POLR3A: variants seen among roughly 807,000 people sequenced by gnomAD.
The protein encoded by POLR3A is RNA polymerase III subunit A.
A neutral mutation model predicts 152.8 loss-of-function variants in POLR3A; 112 were observed. The observed-to-expected ratio is 0.73, with a 90% CI of 0.63 to 0.86. POLR3A has a LOEUF of 0.86. Among genes scored for constraint, POLR3A ranks in the 40% least tolerant of loss-of-function variants. The pLI, the probability that POLR3A is intolerant of heterozygous loss-of-function variation, is 0.00. For synonymous variants in POLR3A, 615 were observed against 652.1 expected, an observed-to-expected ratio of 0.94 and a Z score of 0.87; for missense variants, 1,385 against 1,743.1, an observed-to-expected ratio of 0.79 and a Z score of 3.66.
At chr10:78,013,814 A>T (rs1243845685) in intron 10 of POLR3A, 24 bp from the exon 11 acceptor site, 1 of 1,613,814 alleles carries the variant, frequency 6.2e-7, no homozygotes, top group African/African-American at 1.3e-5. Flanking sequence ...AACAAAACAA[A>T]ACAGGAAGAG....
chr10:78,024,971 C>A lies in POLR3A; in HGVS notation c.490G>T (p.Gly164Cys), dbSNP rs200605001. 8 of 1,614,122 alleles carry A rather than the reference C, an allele frequency of 5.0e-6. No individual in the cohort carries two copies. In the East Asian group the frequency reaches 1.8e-4, roughly 36 times the overall value. Residue 164 changes from glycine to cysteine, a missense_variant and splice_region_variant, in exon 4 of 31, where the codon GGT becomes TGT. Physicochemically the swap from Gly to Cys is radical, Grantham distance 159 (BLOSUM62 -3). Transcript: ENST00000372371. Reference sequence around the variant, plus strand: ...TTAGCCTTCTGTGCATTCCACTCACCATTAAAAGCGCCACAGTGATGGCAG... The same window carrying A: ...TTAGCCTTCTGTGCATTCCACTCACAATTAAAAGCGCCACAGTGATGGCAG... ...NICHHCGAFN[G>C]TVKKCGLLKI...
In POLR3A at chr10:78,002,474, T is replaced by C. The variant is rs190996412; in HGVS notation, c.2248-166A>G. On this transcript the variant is annotated intron_variant, in intron 16 of 30. Transcript: ENST00000372371. Reference sequence around the variant, plus strand: ...AGAGGAGCAAAATGCCCTGGCTATATGAACATGTACATCTTCTACAAGGTT... The same window carrying C: ...AGAGGAGCAAAATGCCCTGGCTATACGAACATGTACATCTTCTACAAGGTT... 2.4e-4 allele frequency among the ~76,000 whole-genome samples: 36 copies of C among 152,242 alleles called. No homozygotes were observed. The East Asian group carries it at 6.7e-3, about 29-fold the overall frequency.
At chr10:77,983,247 A>C (rs1847165887) in intron 26 of POLR3A, among the ~76,000 whole-genome samples, 1 of 152,258 alleles carries the variant, frequency 6.6e-6, no homozygotes, top group African/African-American at 2.4e-5. Flanking sequence ...GGCAGGCAGC[A>C]AGAGACAGGC....
chr10:78,001,748 A>G (rs962983511), intron 17 of POLR3A, among the ~76,000 whole-genome samples: 3 of 151,714 alleles, frequency 2.0e-5, no homozygotes, highest in East Asian at 1.9e-4. Context: ...TGATCCTCCC[A>G]CCTCAGCCTC....
At chr10:78,002,906 A>G (rs1481645172) in intron 16 of POLR3A, among the ~76,000 whole-genome samples, 3 of 152,252 alleles carry the variant, frequency 2.0e-5, no homozygotes, top group Non-Finnish European at 4.4e-5. Context: ...ACCCTACACA[A>G]CAAAATATCT....
intron 12 of POLR3A, among the ~76,000 whole-genome samples, 198 bp from the exon 13 acceptor site, chr10:78,010,189 G>A (rs1354131872): frequency 6.6e-6 from 1 of 151,804 alleles, no homozygotes; most frequent in African/African-American, 2.4e-5. Flanking sequence ...TGTATCCCCA[G>A]GCAAAAGGGA....
At chr10:77,991,283 C>A in intron 20 of POLR3A, 116 bp from the exon 21 acceptor site, 1 of 708,310 alleles carries the variant, frequency 1.4e-6, no homozygotes, top group Non-Finnish European at 2.6e-6. Flanking sequence ...TTTTAGCAAC[C>A]TGTGATTTTT....
intron 11 of POLR3A, among the ~76,000 whole-genome samples, chr10:78,012,828 C>A (rs959052773): frequency 2.0e-5 from 3 of 152,110 alleles, no homozygotes; most frequent in African/African-American, 7.2e-5. Context: ...ACCAAGCAAT[C>A]CTCCCATTTC....
intron 19 of POLR3A, among the ~76,000 whole-genome samples, chr10:77,999,396 A>C (rs1183772597): frequency 2.6e-5 from 4 of 151,980 alleles, no homozygotes; most frequent in Admixed American, 6.6e-5. Context: ...GAACACAAGA[A>C]GACGTATTTT....
chr10:78,010,414 C>T (rs533241861), intron 12 of POLR3A, 57 bp downstream of exon 12: 25 of 1,261,812 alleles, frequency 2.0e-5, no homozygotes, highest in Admixed American at 1.5e-4. Flanking sequence ...TCACTATGAA[C>T]GAGGAACACT....
intron 9 of POLR3A, among the ~76,000 whole-genome samples, chr10:78,018,133 G>A (rs1377946193): frequency 1.4e-5 from 2 of 148,046 alleles, no homozygotes; most frequent in Non-Finnish European, 3.0e-5. Flanking sequence ...CCATGATTGT[G>A]CCATTGCGCT....
rs200072629 is a variant in POLR3A, at chr10:78,001,109, C to G, written c.2360-15G>C. 189 of 1,359,252 alleles carry G rather than the reference C, an allele frequency of 1.4e-4. No homozygotes were observed. The African/African-American group carries it at 2.4e-3, about 17-fold the overall frequency. The allele number at this position is 1,359,252 out of a possible 1,614,324, so 84.2% of individuals were successfully genotyped here. ...AATGAAGGAACCTGGGGACATGGACCAGAAATGTAACATTCATTTACCAAA... is the reference window on the plus strand; with the variant it reads ...AATGAAGGAACCTGGGGACATGGACGAGAAATGTAACATTCATTTACCAAA... On this transcript the variant is annotated splice_polypyrimidine_tract_variant and intron_variant, in intron 17 of 30. Transcript: ENST00000372371.
In POLR3A at chr10:78,017,694, C is replaced by G; in HGVS notation, c.1312G>C (p.Glu438Gln). ...TACTTGAGCTCTTGAGCCATCTTTT[C>G]TCGATTTCCGTATTTCAAAAACCTG... ...MKRFLKYGNREKMAQELKYGD... is the reference protein window; with the variant it reads ...MKRFLKYGNRQKMAQELKYGD... Residue 438 changes from glutamate (E) to glutamine (Q), a missense_variant, in exon 10 of 31, where the codon GAA becomes CAA. Physicochemically the swap from Glu to Gln is conservative, Grantham distance 29. Around this residue, in one of 7 missense-constraint regions of POLR3A, gnomAD observed 493 missense variants for 647.5 expected, o/e 0.76. Coordinates refer to ENST00000372371, the MANE Select transcript of POLR3A (RefSeq NM_007055.4). 6.2e-7 allele frequency: 1 copy of G among 1,614,150 alleles called. No homozygotes were observed. Among genetic ancestry groups the G allele is most frequent in the African/African-American group, 1.3e-5 (1 of 75,050 alleles).
chr10:78,022,443 C>A, intron 5 of POLR3A, 59 bp from the exon 6 acceptor site: 2 of 1,579,328 alleles, frequency 1.3e-6, no homozygotes, highest in Non-Finnish European at 8.6e-7. Flanking sequence ...ATAGCTTGGG[C>A]AAGGTTTTCC....
In POLR3A at chr10:77,982,723, A is replaced by G. The variant is rs1847159167; in HGVS notation, c.3524T>C (p.Val1175Ala). ...GCTCTTGCTGTTCTCTCTGGGGGTG[A>G]CACACACCACAGCCTCACCATGAAC... Reference protein sequence around the residue: ...VAVHGEAVVCVTPRENSKSSM... With the variant: ...VAVHGEAVVCATPRENSKSSM... The change falls in exon 27 of 31, where the codon GTC becomes GCC. Residue 1175 changes from valine (V) to alanine (A), a missense_variant. Coordinates refer to ENST00000372371, the MANE Select transcript of POLR3A (RefSeq NM_007055.4). 2 of 1,613,854 alleles carry G rather than the reference A, an allele frequency of 1.2e-6. No individual in the cohort carries two copies. Among genetic ancestry groups the G allele is most frequent in the Middle Eastern group, 1.7e-4 (1 of 6,022 alleles).
intron 19 of POLR3A, among the ~76,000 whole-genome samples, chr10:77,997,915 A>T (rs2131940389): frequency 6.6e-6 from 1 of 152,292 alleles, no homozygotes; most frequent in African/African-American, 2.4e-5. Context: ...ACAAGGCTAC[A>T]GTAACCAAAA....
intron 28 of POLR3A, among the ~76,000 whole-genome samples, 179 bp from the exon 29 acceptor site, chr10:77,981,738 T>C (rs553712588): frequency 2.6e-5 from 4 of 151,872 alleles, no homozygotes; most frequent in Admixed American, 2.6e-4. Context: ...AGAAGTATGC[T>C]GGGAGGCCGG....
chr10:78,014,869 G>A (rs985248206), intron 10 of POLR3A, among the ~76,000 whole-genome samples: 1 of 152,096 alleles, frequency 6.6e-6, no homozygotes, highest in Non-Finnish European at 1.5e-5. Flanking sequence ...ATTAACAAGC[G>A]GGTATTTTCC....
At chr10:77,993,753 T>G (rs1847271649) in intron 19 of POLR3A, among the ~76,000 whole-genome samples, 1 of 152,190 alleles carries the variant, frequency 6.6e-6, no homozygotes, top group Non-Finnish European at 1.5e-5. Flanking sequence ...CCAGGACCCC[T>G]GCAGACTTCA....
Sources: gnomAD v4.1 joint callset for allele counts (sites outside exome capture counted in the v4.1 genomes callset) on GRCh38, gnomAD v4.1.1 for gene constraint, gnomAD v4.1.1 regional missense constraint, MANE v1.5 for transcripts, NCBI Gene and HGNC (gene_info 2026-07-23, HGNC 2026-07-21) for gene names.